PPP2R2A: variants seen among roughly 807,000 people sequenced by gnomAD.
The protein encoded by PPP2R2A is serine/threonine-protein phosphatase 2A 55 kDa regulatory subunit B alpha isoform.
PPP2R2A carries 9 observed loss-of-function variants against 53.2 expected under a neutral mutation model. The observed-to-expected ratio is 0.17, with a 90% CI of 0.10 to 0.30. The LOEUF is 0.30. Ranked by LOEUF, PPP2R2A falls within the 10% of genes least tolerant of loss-of-function variation. The pLI is 1.00. For missense variants in PPP2R2A, 235 were observed against 534.6 expected (o/e 0.44, Z 5.53); for synonymous variants, 169 against 174.2 (o/e 0.97, Z 0.23).
chr8:26,297,727 T>TA (rs1563280227), intron 2 of PPP2R2A, among the ~76,000 whole-genome samples: 1 of 152,110 alleles, frequency 6.6e-6, no homozygotes, highest in East Asian at 1.9e-4. Flanking sequence ...TTTATACACA[T>TA]AAAACAGAAC....
chr8:26,339,102 T>C, intron 3 of PPP2R2A, 115 bp downstream of exon 3: 1 of 767,046 alleles, frequency 1.3e-6, no homozygotes, highest in Non-Finnish European at 2.2e-6. Context: ...TGTGTGTTTA[T>C]TGAATACAAT....
intron 1 of PPP2R2A, chr8:26,293,049 T>G: frequency 2.2e-6 from 1 of 453,316 alleles, no homozygotes; most frequent in Non-Finnish European, 3.9e-6. Flanking sequence ...TCCTTTGGAG[T>G]CAAGGGATGA....
intron 2 of PPP2R2A, among the ~76,000 whole-genome samples, chr8:26,329,205 G>A (rs1024297514): frequency 3.3e-5 from 5 of 152,072 alleles, no homozygotes; most frequent in African/African-American, 1.2e-4. Flanking sequence ...AGACAGTATG[G>A]TCTTTATAAT....
intron 2 of PPP2R2A, among the ~76,000 whole-genome samples, chr8:26,308,754 C>G (rs2117224831): frequency 6.6e-6 from 1 of 152,286 alleles, no homozygotes; most frequent in Middle Eastern, 3.4e-3. Context: ...CATGGATGTT[C>G]TTAATGGCAT....
chr8:26,355,635 C>T (rs557033042), intron 4 of PPP2R2A, among the ~76,000 whole-genome samples: 1 of 152,002 alleles, frequency 6.6e-6, no homozygotes, highest in African/African-American at 2.4e-5. Flanking sequence ...GAGGCTGAGG[C>T]GGGTGGATCA....
chr8:26,357,369 AT>A (rs1429662432), intron 4 of PPP2R2A, among the ~76,000 whole-genome samples: 1 of 144,200 alleles, frequency 6.9e-6, no homozygotes, highest in Non-Finnish European at 1.5e-5. Flanking sequence ...TCCAGGTTTG[AT>A]TAACCAAAAT....
intron 2 of PPP2R2A, among the ~76,000 whole-genome samples, chr8:26,306,416 C>T (rs1221770031): frequency 6.8e-6 from 1 of 146,536 alleles, no homozygotes; most frequent in East Asian, 2.0e-4. Context: ...GCAAATGTTG[C>T]AGTGAGCAAA....
intron 2 of PPP2R2A, among the ~76,000 whole-genome samples, chr8:26,311,532 G>T (rs940238601): frequency 2.0e-5 from 3 of 152,070 alleles, no homozygotes; most frequent in Non-Finnish European, 4.4e-5. Context: ...AGCCGGGCAC[G>T]GTGGTGCAAG....
At chr8:26,313,254 C>A (rs1383281618) in intron 2 of PPP2R2A, among the ~76,000 whole-genome samples, 1 of 152,062 alleles carries the variant, frequency 6.6e-6, no homozygotes, top group Non-Finnish European at 1.5e-5. Context: ...AGGCTGATCT[C>A]AAACCCCTGA....
chr8:26,362,634 A>T lies in PPP2R2A; in HGVS notation c.638-50A>T, dbSNP rs1406514874. On this transcript the variant is annotated intron_variant, in intron 6 of 9. Transcript: ENST00000380737. This position sits in a 1 kb window ranked among gnomAD's most constrained non-coding sequence, Gnocchi z 4.4. ...TTTTAGGTTTGAGAAATGTAGAATT[A>T]TATTTGCCCTTTTTTCTAAGTGGAA... 1.9e-6 allele frequency: 3 copies of T among 1,557,830 alleles called. No individual in the cohort carries two copies. Among genetic ancestry groups the T allele is most frequent in the South Asian group, 1.1e-5 (1 of 88,538 alleles).
intron 2 of PPP2R2A, 44 bp downstream of exon 2, chr8:26,293,784 A>G: frequency 1.3e-6 from 2 of 1,570,796 alleles, no homozygotes; most frequent in Non-Finnish European, 1.8e-6. Context: ...TAATTTTTGC[A>G]GAAATGTTTC....
chr8:26,317,885 T>C (rs1170615103), intron 2 of PPP2R2A, among the ~76,000 whole-genome samples: 2 of 152,188 alleles, frequency 1.3e-5, no homozygotes, highest in African/African-American at 4.8e-5. Flanking sequence ...GTATTGCTCT[T>C]GTGTGCACGG....
At chr8:26,348,020 G>A (rs1194115427) in intron 3 of PPP2R2A, among the ~76,000 whole-genome samples, 1 of 152,020 alleles carries the variant, frequency 6.6e-6, no homozygotes, top group Non-Finnish European at 1.5e-5. Context: ...TACCATTTCT[G>A]CCACTGTCCC....
At chr8:26,293,343 C>G in intron 1 of PPP2R2A, 1 of 1,387,834 alleles carries the variant, frequency 7.2e-7, no homozygotes, top group Non-Finnish European at 9.8e-7. Flanking sequence ...AACTCTTTAA[C>G]TCTTGGTATT....
intron 2 of PPP2R2A, among the ~76,000 whole-genome samples, chr8:26,306,242 A>G (rs1049716014): frequency 2.0e-5 from 3 of 151,792 alleles, no homozygotes; most frequent in African/African-American, 7.3e-5. Flanking sequence ...TTGGGAGGCC[A>G]AGGTGGGTGG....
At chr8:26,308,865 T>C (rs1256018755) in intron 2 of PPP2R2A, among the ~76,000 whole-genome samples, 1 of 151,996 alleles carries the variant, frequency 6.6e-6, no homozygotes. Context: ...AAAATATATA[T>C]ATATATATAC....
In PPP2R2A at chr8:26,338,256, A is replaced by G. The variant is rs1403881436; in HGVS notation, c.83-634A>G. Among the ~76,000 whole-genome samples the G allele has an allele frequency of 2.0e-5, 3 of 152,230 alleles. No homozygotes were observed. Among genetic ancestry groups the G allele is most frequent in the African/African-American group, 7.2e-5 (3 of 41,474 alleles). On this transcript the variant is annotated intron_variant, in intron 2 of 9. Coordinates refer to ENST00000380737, the MANE Select transcript of PPP2R2A (RefSeq NM_002717.4). The surrounding 1 kb of genome is among the most constrained non-coding windows in gnomAD (Gnocchi z 4.5). The stretch of plus-strand genomic sequence containing the variant: ...CAGTTTTCTTTGATCATGACTGTGA[A>G]GTCAGCACTGAGCTGGTAGAATCCA...
At chr8:26,300,370 A>C (rs532614015) in intron 2 of PPP2R2A, among the ~76,000 whole-genome samples, 2 of 152,356 alleles carry the variant, frequency 1.3e-5, no homozygotes, top group East Asian at 3.9e-4. Context: ...TGCCTAGTTT[A>C]TCTTAAAGTT....
In PPP2R2A at chr8:26,362,340, CAAAA is replaced by C. The variant is rs77527363; in HGVS notation, c.638-332_638-329del. Among the ~76,000 whole-genome samples, 1 of 123,104 alleles carries C rather than the reference CAAAA, an allele frequency of 8.1e-6. No individual in the cohort carries two copies. The highest frequency in any genetic ancestry group is 1.8e-5 in the Non-Finnish European group (1 of 57,000). The allele number at this position is 123,104 out of a possible 152,430, so 80.8% of individuals were successfully genotyped here. A position where few individuals can be genotyped will look rare whatever the true frequency, so the allele number is the denominator to read the frequency against. The stretch of plus-strand genomic sequence containing the variant: ...TGAAACCCCGTCTCTACTAAAAATA[CAAAA>C]AAAAAAAAAAATTAGTCAGTTGTAG... On this transcript the variant is annotated intron_variant, in intron 6 of 9. Coordinates refer to ENST00000380737, the MANE Select transcript of PPP2R2A (RefSeq NM_002717.4). This position sits in a 1 kb window ranked among gnomAD's most constrained non-coding sequence, Gnocchi z 4.4.
Sources: gnomAD v4.1 joint callset for allele counts (sites outside exome capture counted in the v4.1 genomes callset) on GRCh38, gnomAD v4.1.1 for gene constraint, Gnocchi (gnomAD v3.1) non-coding constraint, MANE v1.5 for transcripts, NCBI Gene and HGNC (gene_info 2026-07-23, HGNC 2026-07-21) for gene names.